ZZEF1: variants seen among roughly 807,000 people sequenced by gnomAD.
The protein encoded by ZZEF1 is zinc finger ZZ-type and EF-hand domain-containing protein 1.
Under a neutral mutation model 342.8 loss-of-function variants are expected in ZZEF1, and 157 were observed. That is an observed-to-expected ratio of 0.46 (90% CI 0.40 to 0.52). The LOEUF is 0.52. Ranked by LOEUF, ZZEF1 falls within the 20% of genes least tolerant of loss-of-function variation. The pLI is 0.00. For missense variants in ZZEF1, 3,480 were observed against 3,725.6 expected (o/e 0.93, Z 1.72); for synonymous variants, 1,505 against 1,429.1 (o/e 1.05, Z -1.20).
At chr17:4,084,642 TC>T (rs2057785850) in intron 16 of ZZEF1, among the ~76,000 whole-genome samples, 1 of 152,254 alleles carries the variant, frequency 6.6e-6, no homozygotes, top group Admixed American at 6.5e-5. Flanking sequence ...TGTATCATAC[TC>T]ATTTTCATAC....
chr17:4,017,408 A>G lies in ZZEF1; in HGVS notation c.7964T>C (p.Met2655Thr), dbSNP rs1200402956. The stretch of plus-strand genomic sequence containing the variant: ...ATGCTTTTCTTCCAGCTGCATGAAC[A>G]TATCCAAAATGTAGGTCATATGGGC... ...GPAHMTYILDMFMQLEEKHEW... is the reference protein window; with the variant it reads ...GPAHMTYILDTFMQLEEKHEW... The change falls in exon 48 of 55, where the codon ATG (methionine) becomes ACG (threonine). Residue 2655 changes from methionine to threonine, a missense_variant. By Grantham distance (81) the Met-to-Thr change is moderately conservative. This residue lies in a region of ZZEF1 where 1,269 missense variants were observed against 1,342.4 expected (regional missense o/e 0.95). Transcript: ENST00000381638. The surrounding 1 kb of genome is among the most constrained non-coding windows in gnomAD (Gnocchi z 5.1). The G allele has an allele frequency of 6.2e-7, 1 of 1,607,174 alleles. No homozygotes were observed. Among genetic ancestry groups the G allele is most frequent in the Non-Finnish European group, 8.5e-7 (1 of 1,174,354 alleles).
intron 1 of ZZEF1, among the ~76,000 whole-genome samples, chr17:4,128,725 G>T (rs1003754827): frequency 6.6e-6 from 1 of 150,460 alleles, no homozygotes; most frequent in Non-Finnish European, 1.5e-5. Context: ...GCCTCCCAAA[G>T]TGCTGGGATT....
chr17:4,062,959 G>A (rs780497634), intron 29 of ZZEF1, 42 bp from the exon 30 acceptor site: 55 of 1,567,076 alleles, frequency 3.5e-5, no homozygotes, highest in Non-Finnish European at 4.7e-5. Flanking sequence ...GAAAACTCTT[G>A]AGCTGGGGCA....
At chr17:4,025,202 C>A in intron 42 of ZZEF1, 84 bp from the exon 43 acceptor site, 1 of 1,309,302 alleles carries the variant, frequency 7.6e-7, no homozygotes, top group Non-Finnish European at 1.1e-6. Context: ...TAGTAACATG[C>A]CTTACTAAAG....
chr17:4,075,236 G>A (rs755147676), intron 22 of ZZEF1, 27 bp downstream of exon 22: 2 of 1,613,646 alleles, frequency 1.2e-6, no homozygotes, highest in East Asian at 2.2e-5. Flanking sequence ...ATTAGCGCTT[G>A]GGGGTGAAAG....
At position 4,051,961 on chromosome 17, in the gene ZZEF1, T is replaced by G. The variant is rs772322157; in HGVS notation, c.5600+10A>C. 5.0e-6 allele frequency: 8 copies of G among 1,611,148 alleles called. No homozygotes were observed. The highest frequency in any genetic ancestry group is 6.8e-6 in the Non-Finnish European group (8 of 1,177,860). On this transcript the variant is annotated intron_variant, in intron 35 of 54. Coordinates refer to ENST00000381638, the MANE Select transcript of ZZEF1 (RefSeq NM_015113.4). The stretch of plus-strand genomic sequence containing the variant: ...AAAAGGCTTGGTGGCGACGGTCACT[T>G]GAGACATACCCGTAGGAGTATTTCT...
chr17:4,067,236 C>G lies in ZZEF1; in HGVS notation c.4082G>C (p.Ser1361Thr), dbSNP rs1045304808. ...TTCACTCAGGGCTATTTTGCCCCCA[C>G]TGTTGACTGGGGAGAGAAGCAGAGA... ...LYEKLQKYVN[S>T]GGKIALSEEF... Residue 1361 changes from serine to threonine, a missense_variant, in exon 27 of 55, where the codon AGT becomes ACT. By Grantham distance (58) the Ser-to-Thr change is moderately conservative. This residue lies in a region of ZZEF1 where 1,528 missense variants were observed against 1,624.1 expected (regional missense o/e 0.94). Coordinates refer to ENST00000381638, the MANE Select transcript of ZZEF1 (RefSeq NM_015113.4). The G allele has an allele frequency of 1.2e-6, 2 of 1,612,774 alleles. No homozygotes were observed. The highest frequency in any genetic ancestry group is 2.7e-5 in the African/African-American group (2 of 74,882).
intron 44 of ZZEF1, among the ~76,000 whole-genome samples, chr17:4,021,668 G>C (rs1272524633): frequency 6.6e-6 from 1 of 152,158 alleles, no homozygotes; most frequent in Non-Finnish European, 1.5e-5. Flanking sequence ...AATATACAAA[G>C]TTATTTTCAT....
chr17:4,098,120 C>A (rs529386224), intron 9 of ZZEF1, among the ~76,000 whole-genome samples: 1 of 151,914 alleles, frequency 6.6e-6, no homozygotes, highest in African/African-American at 2.4e-5. Context: ...CACCTGTAAT[C>A]CCAGCTACTC....
At chr17:4,133,779 T>C (rs2058706222) in intron 1 of ZZEF1, among the ~76,000 whole-genome samples, 1 of 152,016 alleles carries the variant, frequency 6.6e-6, no homozygotes, top group Non-Finnish European at 1.5e-5. Flanking sequence ...TAGAGTGCAG[T>C]AGCGTGATCA....
At chr17:4,106,212 C>A (rs1301331501) in intron 6 of ZZEF1, among the ~76,000 whole-genome samples, 1 of 152,194 alleles carries the variant, frequency 6.6e-6, no homozygotes, top group African/African-American at 2.4e-5. Context: ...TCCCACAGTG[C>A]TATGATTACA....
Position 4,070,802 on chromosome 17 carries a change from T to A in ZZEF1, c.3957A>T (p.Arg1319Ser), listed in dbSNP as rs1455614909. 1 of 1,614,182 alleles carries A rather than the reference T, an allele frequency of 6.2e-7. No individual in the cohort carries two copies. Among genetic ancestry groups the A allele is most frequent in the Admixed American group, 1.7e-5 (1 of 60,024 alleles). ...ELFKGFIQACRKQAPKTDIVA... is the reference protein window; with the variant it reads ...ELFKGFIQACSKQAPKTDIVA... ...CTATATCTGTCTTTGGGGCCTGTTTTCTACATGCCTGTATGAATCCTTTGA... is the reference window on the plus strand; with the variant it reads ...CTATATCTGTCTTTGGGGCCTGTTTACTACATGCCTGTATGAATCCTTTGA... Residue 1319 changes from arginine to serine, a missense_variant, in exon 26 of 55, where the codon AGA becomes AGT. By Grantham distance (110) the Arg-to-Ser change is moderately radical. Coordinates refer to ENST00000381638, the MANE Select transcript of ZZEF1 (RefSeq NM_015113.4).
In ZZEF1 at chr17:4,017,395, C is replaced by T. The variant is rs2056135033; in HGVS notation, c.7977G>A (p.Leu2659=). The T allele has an allele frequency of 1.2e-6, 2 of 1,600,222 alleles. No individual in the cohort carries two copies. Among genetic ancestry groups the T allele is most frequent in the Non-Finnish European group, 1.7e-6 (2 of 1,169,372 alleles). Residue 2659 remains leucine, a synonymous_variant, in exon 48 of 55, where the codon CTG becomes CTA. Transcript: ENST00000381638. This position sits in a 1 kb window ranked among gnomAD's most constrained non-coding sequence, Gnocchi z 5.1. ...MTYILDMFMQ[L]EEKHEWEKIL... ...CCTTCTCCCACTCATGCTTTTCTTC[C>T]AGCTGCATGAACATATCCAAAATGT... is the stretch of plus-strand genomic sequence containing the variant.
Position 4,062,783 on chromosome 17 carries a change from T to A in ZZEF1, c.4853A>T (p.Glu1618Val). 1.2e-6 allele frequency: 2 copies of A among 1,611,240 alleles called. No homozygotes were observed. The highest frequency in any genetic ancestry group is 1.7e-6 in the Non-Finnish European group (2 of 1,178,502). The change falls in exon 30 of 55, where the codon GAA becomes GTA. Residue 1618 changes from glutamate (E) to valine (V), a missense_variant. Transcript: ENST00000381638. ...FHPPFILFLLELLTCQKDFTN... is the reference protein window; with the variant it reads ...FHPPFILFLLVLLTCQKDFTN... ...AAAATCTTTCTGACAGGTCAGAAGT[T>A]CCAACAGGAAAAGTATGAAAGGTGG...
At chr17:4,038,548 T>C (rs2056726691) in intron 39 of ZZEF1, among the ~76,000 whole-genome samples, 1 of 152,202 alleles carries the variant, frequency 6.6e-6, no homozygotes, top group African/African-American at 2.4e-5. Context: ...CTCACGCCTG[T>C]CATTCCAGCA....
chr17:4,130,057 T>C (rs1295810936), intron 1 of ZZEF1, among the ~76,000 whole-genome samples: 1 of 152,114 alleles, frequency 6.6e-6, no homozygotes, highest in Non-Finnish European at 1.5e-5. Context: ...AAATAACTAT[T>C]GGGTGCTGGG....
intron 2 of ZZEF1, among the ~76,000 whole-genome samples, chr17:4,122,068 T>C (rs2058492252): frequency 1.3e-5 from 2 of 151,546 alleles, no homozygotes; most frequent in South Asian, 4.1e-4. Flanking sequence ...CCTAGCTCAA[T>C]ACGTCACTCA....
rs2057107738 is a variant in ZZEF1 at position 4,054,153 on chromosome 17, C to T, written c.5338G>A (p.Asp1780Asn). ...TCATCACACCCATCACAAGAGATGT[C>T]CACATTTAACAGGTCACAGTAGCGA... The part of the protein sequence containing the change: ...IARYCDLLNV[D>N]ISCDGCDEIA... Residue 1780 changes from aspartate to asparagine, a missense_variant, in exon 34 of 55, where the codon GAC (aspartate) becomes AAC (asparagine). Coordinates refer to ENST00000381638, the MANE Select transcript of ZZEF1 (RefSeq NM_015113.4). The T allele has an allele frequency of 1.2e-6, 2 of 1,613,798 alleles. No homozygotes were observed. Among genetic ancestry groups the T allele is most frequent in the Admixed American group, 1.7e-5 (1 of 59,980 alleles).
At chr17:4,062,303 T>C (rs1429210624) in intron 30 of ZZEF1, among the ~76,000 whole-genome samples, 1 of 151,694 alleles carries the variant, frequency 6.6e-6, no homozygotes, top group Non-Finnish European at 1.5e-5. Flanking sequence ...TTTTACTGTC[T>C]CTCTCTCCTC....
Sources: allele counts gnomAD v4.1 joint callset (sites outside exome capture counted in the v4.1 genomes callset), GRCh38; gene constraint gnomAD v4.1.1; regional missense constraint gnomAD v4.1.1; non-coding constraint Gnocchi (gnomAD v3.1); transcripts MANE v1.5; gene names NCBI Gene and HGNC (gene_info 2026-07-23, HGNC 2026-07-21).